Variants in ARHGEF12 observed in about 807,000 individuals in gnomAD.
ARHGEF12 encodes the protein Rho guanine nucleotide exchange factor 12, also known as KMT2A/ARHGEF12 fusion protein.
ARHGEF12 carries 66 observed loss-of-function variants against 211.2 expected under a neutral mutation model. That is an observed-to-expected ratio of 0.31 (90% confidence interval 0.26 to 0.38). The LOEUF (loss-of-function observed/expected upper bound fraction) is 0.38, where lower values mean the gene tolerates loss of function less well. Among genes scored for constraint, ARHGEF12 ranks in the 10% least tolerant of loss-of-function variants. ARHGEF12 has a pLI of 1.00. For synonymous variants in ARHGEF12, 592 were observed against 638.4 expected, an observed-to-expected ratio of 0.93 and a Z score of 1.09; for missense variants, 1,429 against 1,869.5, an observed-to-expected ratio of 0.76 and a Z score of 4.34.
chr11:120,459,470 T>G (rs2135895513), intron 26 of ARHGEF12, 150 bp downstream of exon 26: 1 of 833,550 alleles, frequency 1.2e-6, no homozygotes, highest in Middle Eastern at 3.7e-4. Flanking sequence ...GAACTTTGAC[T>G]AGATCCTTTT....
Position 120,441,722 on chromosome 11 carries a change from A to T in ARHGEF12, c.1108A>T (p.Ser370Cys). The change falls in exon 14 of 41, where the codon AGC (serine) becomes TGC (cysteine). Residue 370 changes from serine to cysteine, a missense_variant. Ser to Cys is a moderately radical substitution (Grantham distance 112, BLOSUM62 -1). This residue lies in a region of ARHGEF12 where 254 missense variants were observed against 286.4 expected (regional missense o/e 0.89). Coordinates refer to ENST00000397843, the MANE Select transcript of ARHGEF12 (RefSeq NM_015313.3). ...CTTCCTCTAGATCAATGGACAGTGC[A>T]GCTGTTTCCAGAGCATTGAATTACT... The part of the protein sequence containing the change: ...TEHEQINGQC[S>C]CFQSIELLKS... The T allele has an allele frequency of 6.2e-7, 1 of 1,613,752 alleles. No homozygotes were observed.
At position 120,429,751 on chromosome 11, in the gene ARHGEF12, T is replaced by C. The variant is rs746198116; in HGVS notation, c.703T>C (p.Leu235=). 1.9e-6 allele frequency: 3 copies of C among 1,613,908 alleles called. No homozygotes were observed. The highest frequency in any genetic ancestry group is 1.6e-4 in the Middle Eastern group (1 of 6,062). ...TTACAACCGAACACCTGCCCAAAGA[T>C]TGCTAAAAGAGATCCAAGAGGCCAA... The part of the protein sequence containing the change: ...EDYNRTPAQR[L]LKEIQEAKKH... Residue 235 remains leucine, a synonymous_variant, in exon 10 of 41, where the codon TTG becomes CTG. Transcript: ENST00000397843.
At chr11:120,364,860 T>A (rs1387539133) in intron 1 of ARHGEF12, among the ~76,000 whole-genome samples, 2 of 144,952 alleles carry the variant, frequency 1.4e-5, no homozygotes, top group African/African-American at 5.2e-5. Context: ...CTTTGTCGCC[T>A]AGGCTTGAGT....
intron 5 of ARHGEF12, among the ~76,000 whole-genome samples, 176 bp from the exon 6 acceptor site, chr11:120,421,627 G>C (rs1038886137): frequency 6.6e-6 from 1 of 151,726 alleles, no homozygotes; most frequent in Non-Finnish European, 1.5e-5. Context: ...TAGTAGAGAC[G>C]GGGTTTTACC....
At chr11:120,448,819 A>G (rs1946121859) in intron 20 of ARHGEF12, 1 of 325,862 alleles carries the variant, frequency 3.1e-6, no homozygotes, top group African/African-American at 2.1e-5. Context: ...TATTTGTTGA[A>G]TGGATGAATG....
intron 11 of ARHGEF12, among the ~76,000 whole-genome samples, chr11:120,436,977 G>A (rs1565480548): frequency 1.4e-5 from 2 of 141,130 alleles, no homozygotes; most frequent in Admixed American, 1.4e-4. Flanking sequence ...TAAGGATTAA[G>A]GAAGATAAGA....
intron 1 of ARHGEF12, among the ~76,000 whole-genome samples, chr11:120,360,494 G>C (rs1943248929): frequency 6.6e-6 from 1 of 152,102 alleles, no homozygotes; most frequent in Non-Finnish European, 1.5e-5. Context: ...CCAGGCTCTA[G>C]TGATCCTCCC....
At chr11:120,372,200 A>C (rs775892242) in intron 1 of ARHGEF12, among the ~76,000 whole-genome samples, 2 of 152,256 alleles carry the variant, frequency 1.3e-5, no homozygotes, top group East Asian at 1.9e-4. Flanking sequence ...CCACTAGTAC[A>C]GTAAAAATGC....
At chr11:120,458,821 T>A (rs908389416) in intron 25 of ARHGEF12, 1 of 161,684 alleles carries the variant, frequency 6.2e-6, no homozygotes, top group African/African-American at 2.4e-5. Flanking sequence ...CCAAAAGTAC[T>A]ATTATTTCTT....
At chr11:120,360,330 C>T (rs1943244549) in intron 1 of ARHGEF12, among the ~76,000 whole-genome samples, 1 of 152,182 alleles carries the variant, frequency 6.6e-6, no homozygotes, top group Non-Finnish European at 1.5e-5. Context: ...AGTGATTTGC[C>T]ATAGGCTTAT....
At chr11:120,393,939 A>G (rs898222652) in intron 1 of ARHGEF12, among the ~76,000 whole-genome samples, 2 of 152,188 alleles carry the variant, frequency 1.3e-5, no homozygotes, top group Non-Finnish European at 2.9e-5. Context: ...GTAAATTTCA[A>G]TAAATTAAAA....
chr11:120,420,778 C>A lies in ARHGEF12; in HGVS notation c.225C>A (p.Ile75=). ...GTCTTGTTCAGCGTTGCGTAATCAT[C>A]CAGAAAGATGACAATGGATTTGGGC... ...IYGLVQRCVI[I]QKDDNGFGLT... The change falls in exon 5 of 41, where the codon ATC becomes ATA. Residue 75 remains isoleucine, a synonymous_variant. Transcript: ENST00000397843. 3 of 1,614,068 alleles carry A rather than the reference C, an allele frequency of 1.9e-6. No individual in the cohort carries two copies. The highest frequency in any genetic ancestry group is 2.5e-6 in the Non-Finnish European group (3 of 1,179,976).
chr11:120,485,162 CAG>C lies in ARHGEF12; in HGVS notation c.*92_*93del. The C allele has an allele frequency of 1.3e-6, 2 of 1,553,770 alleles. No individual in the cohort carries two copies. ...CCACATCCTGGCTCCAGTGTGGATGCAGAGAGAGTGTGACAGAGGATCTGCCT... is the reference window on the plus strand; with the variant it reads ...CCACATCCTGGCTCCAGTGTGGATGCAGAGAGTGTGACAGAGGATCTGCCT... On this transcript the variant is annotated 3_prime_UTR_variant, in exon 41 of 41. Coordinates refer to ENST00000397843, the MANE Select transcript of ARHGEF12 (RefSeq NM_015313.3).
At chr11:120,432,774 GTTGT>G (rs1347257671) in intron 11 of ARHGEF12, among the ~76,000 whole-genome samples, 9 of 152,178 alleles carry the variant, frequency 5.9e-5, no homozygotes, top group African/African-American at 2.2e-4. Context: ...ATTGAAGGTT[GTTGT>G]TGGGGGATTG....
At chr11:120,342,209 T>A (rs1942558262) in intron 1 of ARHGEF12, among the ~76,000 whole-genome samples, 1 of 152,148 alleles carries the variant, frequency 6.6e-6, no homozygotes. Context: ...CTTGATGAAG[T>A]CAGTTGGATT....
chr11:120,371,236 C>T (rs1037161573), intron 1 of ARHGEF12, among the ~76,000 whole-genome samples: 2 of 152,206 alleles, frequency 1.3e-5, no homozygotes, highest in African/African-American at 4.8e-5. Flanking sequence ...TGCCTGTAAT[C>T]CCAGCAATAT....
intron 27 of ARHGEF12, among the ~76,000 whole-genome samples, chr11:120,461,438 A>G (rs1946526686): frequency 6.6e-6 from 1 of 152,176 alleles, no homozygotes. Context: ...GTCTTAACAG[A>G]CATGCTGTCA....
At chr11:120,440,854 G>A (rs1431163968) in intron 13 of ARHGEF12, among the ~76,000 whole-genome samples, 3 of 152,012 alleles carry the variant, frequency 2.0e-5, no homozygotes, top group Non-Finnish European at 4.4e-5. Flanking sequence ...TCTTTATAAG[G>A]TTAAGGGTTA....
chr11:120,408,661 AG>A (rs1472775581), intron 3 of ARHGEF12: 9 of 152,102 alleles, frequency 5.9e-5, no homozygotes, highest in African/African-American at 2.2e-4. Flanking sequence ...AATATTTAAT[AG>A]AGAATAGTAT....
Sources: gnomAD v4.1 joint callset for allele counts (sites outside exome capture counted in the v4.1 genomes callset) on GRCh38, gnomAD v4.1.1 for gene constraint, gnomAD v4.1.1 regional missense constraint, MANE v1.5 for transcripts, NCBI Gene and HGNC (gene_info 2026-07-23, HGNC 2026-07-21) for gene names.